DSCAM: variants seen among roughly 807,000 people sequenced by gnomAD.
DSCAM encodes the protein cell adhesion molecule DSCAM.
Under a neutral mutation model 217.7 loss-of-function variants are expected in DSCAM, and 47 were observed. That is an observed-to-expected ratio of 0.22 (90% CI 0.17 to 0.28). The LOEUF (loss-of-function observed/expected upper bound fraction) is 0.28. Ranked by LOEUF, DSCAM falls within the 10% of genes least tolerant of loss-of-function variation. The pLI, the probability that DSCAM is intolerant of heterozygous loss-of-function variation, is 1.00. For missense variants in DSCAM, 2,080 were observed against 2,618.3 expected (o/e 0.79, Z 4.49); for synonymous variants, 1,056 against 1,015.3 (o/e 1.04, Z -0.76).
At chr21:40,579,317 AAAG>A (rs1036782444) in intron 3 of DSCAM, among the ~76,000 whole-genome samples, 65 of 152,294 alleles carry the variant, frequency 4.3e-4, no homozygotes, top group African/African-American at 1.5e-3. Context: ...CACAGAAGAA[AAAG>A]AAGCAGTGAG....
intron 3 of DSCAM, among the ~76,000 whole-genome samples, chr21:40,595,698 T>C (rs1442034301): frequency 6.6e-6 from 1 of 152,166 alleles, no homozygotes; most frequent in Non-Finnish European, 1.5e-5. Flanking sequence ...CTGGTTCCAA[T>C]TTATAAGAGG....
intron 11 of DSCAM, among the ~76,000 whole-genome samples, chr21:40,204,973 C>T (rs1368655898): frequency 6.6e-6 from 1 of 152,206 alleles, no homozygotes; most frequent in Non-Finnish European, 1.5e-5. Context: ...TGTTGGCAGG[C>T]TGCACCCCTT....
At chr21:40,403,002 A>G (rs545177642) in intron 3 of DSCAM, among the ~76,000 whole-genome samples, 5 of 151,744 alleles carry the variant, frequency 3.3e-5, no homozygotes, top group African/African-American at 9.7e-5. Flanking sequence ...GTAATTCCCT[A>G]TTCTGGCTCA....
chr21:40,228,971 G>C (rs1331382342), intron 11 of DSCAM, among the ~76,000 whole-genome samples: 3 of 152,050 alleles, frequency 2.0e-5, no homozygotes, highest in Non-Finnish European at 4.4e-5. Context: ...ACATGAGTTC[G>C]TACTGATGTC....
At chr21:40,580,514 G>C (rs911645878) in intron 3 of DSCAM, among the ~76,000 whole-genome samples, 1 of 151,866 alleles carries the variant, frequency 6.6e-6, no homozygotes, top group Non-Finnish European at 1.5e-5. Flanking sequence ...GCTATAGCTT[G>C]GGTGACAGAG....
chr21:40,301,369 C>T (rs2074012129), intron 9 of DSCAM, among the ~76,000 whole-genome samples: 1 of 152,222 alleles, frequency 6.6e-6, no homozygotes, highest in African/African-American at 2.4e-5. Flanking sequence ...CATTCTGTGA[C>T]ATTCTCCTCT....
At chr21:40,410,473 T>C (rs1282980413) in intron 3 of DSCAM, among the ~76,000 whole-genome samples, 1 of 148,160 alleles carries the variant, frequency 6.7e-6, no homozygotes, top group Non-Finnish European at 1.5e-5. Context: ...TTGAAGGGAG[T>C]ATTGAAATAA....
intron 11 of DSCAM, among the ~76,000 whole-genome samples, chr21:40,246,354 TAAAAAAAAAAAAAAAA>T (rs34308158): frequency 9.3e-4 from 13 of 13,938 alleles, no homozygotes; most frequent in South Asian, 0.011. Context: ...CAGTCCGTAC[TAAAAAAAAAAAAAAAA>T]AAAAAAAAAA....
rs964712172 is a variant in DSCAM at position 40,563,598 on chromosome 21, T to TTA, written c.508+129210_508+129211dup. On this transcript the variant is annotated intron_variant, in intron 3 of 32. Transcript: ENST00000400454. Reference sequence around the variant, plus strand: ...AGTTATATGTTTATATGTTTATATGTTATATATATGTTTACATGTTTATAT... The same window carrying TTA: ...AGTTATATGTTTATATGTTTATATGTTATATATATATGTTTACATGTTTATAT... Among the ~76,000 whole-genome samples the TTA allele has an allele frequency of 5.8e-5, 3 of 51,846 alleles. No homozygotes were observed. The East Asian group carries it at 1.3e-3, about 23-fold the overall frequency. The allele number at this position is 51,846 out of a possible 152,430, so 34.0% of individuals were successfully genotyped here. A position where few individuals can be genotyped will look rare whatever the true frequency, so the allele number is the denominator to read the frequency against.
chr21:40,201,380 T>TC (rs2091067975), intron 11 of DSCAM, among the ~76,000 whole-genome samples: 1 of 151,884 alleles, frequency 6.6e-6, no homozygotes, highest in African/African-American at 2.4e-5. Flanking sequence ...TTTCTTTCTT[T>TC]TTTTTTTTCC....
At chr21:40,715,945 A>G (rs1279965200) in intron 1 of DSCAM, among the ~76,000 whole-genome samples, 1 of 152,244 alleles carries the variant, frequency 6.6e-6, no homozygotes, top group Non-Finnish European at 1.5e-5. Context: ...GTAAATGTAT[A>G]CAAGAAACAT....
intron 1 of DSCAM, among the ~76,000 whole-genome samples, chr21:40,767,973 T>C (rs1039117145): frequency 7.2e-5 from 11 of 152,160 alleles, no homozygotes; most frequent in African/African-American, 2.7e-4. Flanking sequence ...TGTCTACATA[T>C]GCAAATGTTC....
At chr21:40,776,271 A>T (rs1449613684) in intron 1 of DSCAM, among the ~76,000 whole-genome samples, 1 of 151,800 alleles carries the variant, frequency 6.6e-6, no homozygotes, top group Non-Finnish European at 1.5e-5. Flanking sequence ...CAGTGTTGTT[A>T]TTTTCAGGAT....
At chr21:40,543,515 A>G (rs909757301) in intron 3 of DSCAM, among the ~76,000 whole-genome samples, 3 of 152,152 alleles carry the variant, frequency 2.0e-5, no homozygotes, top group Admixed American at 1.3e-4. Context: ...GTCAGGTTGA[A>G]TGGAAATCAC....
At chr21:40,343,993 T>G (rs11702086) in intron 6 of DSCAM, among the ~76,000 whole-genome samples, 12,715 of 152,070 alleles carry the variant, frequency 0.084, 1,204 homozygotes, top group African/African-American at 0.24. Flanking sequence ...AACCTCCACC[T>G]CCTGGGTTCA....
At position 40,319,740 on chromosome 21, in the gene DSCAM, A is replaced by G. The variant is rs973775458; in HGVS notation, c.1784-7381T>C. Among the ~76,000 whole-genome samples the G allele has an allele frequency of 5.3e-5, 8 of 152,272 alleles. No homozygotes were observed. The South Asian group carries it at 1.2e-3, about 24-fold the overall frequency. On this transcript the variant is annotated intron_variant, in intron 8 of 32. Coordinates refer to ENST00000400454, the MANE Select transcript of DSCAM (RefSeq NM_001389.5). ...CCACACAGCCTTGCCAACACTTGTT[A>G]TCTTTTGACTTTTTGACCACAGCCA...
At chr21:40,442,958 A>G (rs2075644927) in intron 3 of DSCAM, among the ~76,000 whole-genome samples, 1 of 152,244 alleles carries the variant, frequency 6.6e-6, no homozygotes. Context: ...ATGAAACAAA[A>G]GCATACAAAA....
intron 3 of DSCAM, among the ~76,000 whole-genome samples, chr21:40,516,465 T>C (rs12626382): frequency 4.5e-4 from 69 of 152,046 alleles, no homozygotes; most frequent in African/African-American, 1.4e-3. Context: ...AGGAACAGAG[T>C]TGACAGTTGG....
chr21:40,348,034 T>C (rs954562938), intron 5 of DSCAM, 89 bp from the exon 6 acceptor site: 2 of 1,414,014 alleles, frequency 1.4e-6, no homozygotes, highest in Non-Finnish European at 1.9e-6. Context: ...ACAAAGCAAG[T>C]GCATCACGCA....
Sources: gnomAD v4.1 joint callset for allele counts (sites outside exome capture counted in the v4.1 genomes callset) on GRCh38, gnomAD v4.1.1 for gene constraint, MANE v1.5 for transcripts, NCBI Gene and HGNC (gene_info 2026-07-23, HGNC 2026-07-21) for gene names.